The following AFF2 variants were observed in gnomAD, a reference collection of about 807,000 sequenced individuals.
The protein encoded by AFF2 is AF4/FMR2 family member 2.
In AFF2, 14 loss-of-function variants were observed where a neutral mutation model predicts 76.9. That is an observed-to-expected ratio of 0.18 (90% CI 0.12 to 0.28). The LOEUF (loss-of-function observed/expected upper bound fraction) is 0.28. Ranked by LOEUF, AFF2 falls within the 10% of genes least tolerant of loss-of-function variation. AFF2 has a pLI of 1.00. For missense variants in AFF2, 868 were observed against 1,001.1 expected (o/e 0.87, Z 1.79); for synonymous variants, 398 against 366.7 (o/e 1.09, Z -0.98).
intron 3 of AFF2, among the ~76,000 whole-genome samples, chrX:148,771,852 G>A (rs782635125): frequency 8.9e-6 from 1 of 111,771 alleles, no homozygotes; most frequent in Non-Finnish European, 1.9e-5. Context: ...TTTAAAGGGT[G>A]TAATTTTAAG....
chrX:148,686,749 A>G (rs1387750948), intron 3 of AFF2, among the ~76,000 whole-genome samples: 1 of 111,103 alleles, frequency 9.0e-6, no homozygotes, highest in African/African-American at 3.3e-5. Flanking sequence ...TTTTTGTCCA[A>G]TACTTAATGG....
rs16994875 is a variant in AFF2 at position 148,963,012 on chromosome X, G to C, written c.2913+75G>C. 1,720 of 742,718 alleles carry C rather than the reference G, an allele frequency of 2.3e-3. 20 individuals carry two copies. The African/African-American group carries it at 0.033, about 14-fold the overall frequency. The allele number at this position is 742,718 out of a possible 1,213,427, so 61.2% of individuals were successfully genotyped here. A position where few individuals can be genotyped will look rare whatever the true frequency, so the allele number is the denominator to read the frequency against. On this transcript the variant is annotated intron_variant, in intron 13 of 20. Coordinates refer to ENST00000370460, the MANE Select transcript of AFF2 (RefSeq NM_002025.4). ...CCAGCTCATCTAACTTGATCATTTG[G>C]GGATGTTGCAGGAGGAAGGGAGGAA...
At chrX:148,964,733 T>A (rs112049588) in intron 13 of AFF2, among the ~76,000 whole-genome samples, 2 of 112,280 alleles carry the variant, frequency 1.8e-5, no homozygotes, top group African/African-American at 6.5e-5. Context: ...TGAATGTACT[T>A]AACATGACTG....
intron 7 of AFF2, among the ~76,000 whole-genome samples, chrX:148,848,825 C>A (rs2124676770): frequency 8.9e-6 from 1 of 111,902 alleles, no homozygotes; most frequent in East Asian, 2.8e-4. Context: ...CCAACTCTTG[C>A]TTTTAACTTG....
chrX:148,897,250 T>TCC (rs1557280417), intron 8 of AFF2, among the ~76,000 whole-genome samples: 1 of 37,255 alleles, frequency 2.7e-5, no homozygotes, highest in Non-Finnish European at 4.6e-5. Context: ...TATATATATA[T>TCC]ATATATATAT....
chrX:148,834,505 ATGTG>A (rs61709112), intron 4 of AFF2, among the ~76,000 whole-genome samples: 9,565 of 91,471 alleles, frequency 0.1, 668 homozygotes, highest in African/African-American at 0.24. Flanking sequence ...CCAGTCTCAG[ATGTG>A]TGTGTGTGTG....
At chrX:148,667,128 G>T (rs1557258565) in intron 3 of AFF2, among the ~76,000 whole-genome samples, 2 of 112,298 alleles carry the variant, frequency 1.8e-5, no homozygotes, top group Non-Finnish European at 3.8e-5. Context: ...CACAAAACTA[G>T]TGGCCTTAGA....
At chrX:148,703,984 T>A (rs1013057004) in intron 3 of AFF2, among the ~76,000 whole-genome samples, 1 of 107,450 alleles carries the variant, frequency 9.3e-6, no homozygotes, top group African/African-American at 3.4e-5. Context: ...TGACGTGGAC[T>A]TCCTGGGCTC....
At chrX:148,717,688 G>A (rs181140978) in intron 3 of AFF2, among the ~76,000 whole-genome samples, 179 of 111,595 alleles carry the variant, frequency 1.6e-3, no homozygotes, top group Non-Finnish European at 2.9e-3. Context: ...ACCAGGTAGC[G>A]GGGGCAGCCA....
intron 1 of AFF2, among the ~76,000 whole-genome samples, chrX:148,623,396 A>G (rs868931277): frequency 3.6e-5 from 4 of 110,935 alleles, no homozygotes; most frequent in Non-Finnish European, 5.7e-5. Flanking sequence ...TGTGCCTTAA[A>G]AAAGTGAAAT....
intron 2 of AFF2, among the ~76,000 whole-genome samples, chrX:148,661,340 T>G (rs1557257677): frequency 8.9e-6 from 1 of 112,338 alleles, no homozygotes; most frequent in African/African-American, 3.2e-5. Context: ...AGGAATCAGA[T>G]TCATTTTAAT....
intron 5 of AFF2, among the ~76,000 whole-genome samples, chrX:148,841,488 CTT>C (rs1457755699): frequency 9.0e-6 from 1 of 111,601 alleles, no homozygotes; most frequent in Non-Finnish European, 1.9e-5. Flanking sequence ...TTCTTGATAA[CTT>C]ATATATTATG....
intron 1 of AFF2, among the ~76,000 whole-genome samples, chrX:148,549,684 A>C (rs2052968294): frequency 8.9e-6 from 1 of 111,796 alleles, no homozygotes; most frequent in Non-Finnish European, 1.9e-5. Context: ...GATGACAATC[A>C]CAGACTTCAT....
At chrX:148,784,390 C>A (rs2069786217) in intron 3 of AFF2, among the ~76,000 whole-genome samples, 1 of 111,698 alleles carries the variant, frequency 9.0e-6, no homozygotes, top group African/African-American at 3.3e-5. Flanking sequence ...CTGCAGGGAG[C>A]CATCAAAGTG....
rs928604767 is a variant in AFF2, at chrX:148,769,261, T to C, written c.1042-40615T>C. Among the ~76,000 whole-genome samples, 3 of 112,059 alleles carry C rather than the reference T, an allele frequency of 2.7e-5. No homozygotes were observed. The Admixed American group carries it at 2.8e-4, about 11-fold the overall frequency. Reference sequence around the variant, plus strand: ...TGGACTTGCTTTGTGGAAGGCAAGATGTGCCTTCCTTCTGAAGAGGTTCCA... The same window carrying C: ...TGGACTTGCTTTGTGGAAGGCAAGACGTGCCTTCCTTCTGAAGAGGTTCCA... On this transcript the variant is annotated intron_variant, in intron 3 of 20. Transcript: ENST00000370460.
intron 1 of AFF2, among the ~76,000 whole-genome samples, chrX:148,597,888 A>G (rs1290154286): frequency 8.9e-6 from 1 of 112,313 alleles, no homozygotes; most frequent in Non-Finnish European, 1.9e-5. Flanking sequence ...AATGACTTTC[A>G]TCATAGGAAA....
chrX:148,701,520 T>C (rs1173548468), intron 3 of AFF2, among the ~76,000 whole-genome samples: 1 of 112,220 alleles, frequency 8.9e-6, no homozygotes, highest in East Asian at 2.8e-4. Context: ...AGAATCTGCA[T>C]TGAAAATATA....
At chrX:148,597,858 A>G (rs1184177772) in intron 1 of AFF2, among the ~76,000 whole-genome samples, 1 of 112,363 alleles carries the variant, frequency 8.9e-6, no homozygotes, top group African/African-American at 3.2e-5. Flanking sequence ...TTCGTTTTAC[A>G]CGGAAATAAA....
chrX:148,597,374 G>A (rs1557247470), intron 1 of AFF2, among the ~76,000 whole-genome samples: 1 of 110,773 alleles, frequency 9.0e-6, no homozygotes, highest in Non-Finnish European at 1.9e-5. Context: ...GCCCTTAATC[G>A]CTTGTTGTTC....
Sources: gnomAD v4.1 joint callset for allele counts (sites outside exome capture counted in the v4.1 genomes callset) on GRCh38, gnomAD v4.1.1 for gene constraint, MANE v1.5 for transcripts, NCBI Gene and HGNC (gene_info 2026-07-23, HGNC 2026-07-21) for gene names.